The following KHDRBS1 variants were observed in gnomAD, a reference collection of about 807,000 sequenced individuals.
KHDRBS1 encodes KH RNA binding domain containing, signal transduction associated 1.
Under a neutral mutation model 48.4 loss-of-function variants are expected in KHDRBS1, and 7 were observed. That is an observed-to-expected ratio of 0.14 (90% CI 0.08 to 0.27). The LOEUF (loss-of-function observed/expected upper bound fraction) is 0.27. Among genes scored for constraint, KHDRBS1 ranks in the 10% least tolerant of loss-of-function variants. The probability of loss-of-function intolerance (pLI) is 1.00; values close to 1 mark genes in which losing one functional copy is unlikely to be tolerated. For missense variants in KHDRBS1, 458 were observed against 601.2 expected, an observed-to-expected ratio of 0.76 and a Z score of 2.49; for synonymous variants, 241 against 235.8, an observed-to-expected ratio of 1.02 and a Z score of -0.20.
chr1:32,048,213 T>TA (rs1477813168), downstream of KHDRBS1, among the ~76,000 whole-genome samples: 24 of 152,166 alleles, frequency 1.6e-4, no homozygotes, highest in South Asian at 2.1e-4. Flanking sequence ...TTCCCTTCTC[T>TA]AAAAATTTTC....
At chr1:32,032,417 T>C (rs148234638) in intron 3 of KHDRBS1, among the ~76,000 whole-genome samples, 104 of 152,284 alleles carry the variant, frequency 6.8e-4, no homozygotes, top group African/African-American at 2.4e-3. Flanking sequence ...TACATGAGCT[T>C]TTCTTCCCTC....
rs893387235 is a variant in KHDRBS1 at position 32,016,007 on chromosome 1, C to T, written c.382+1630C>T. Among the ~76,000 whole-genome samples, 5 of 151,918 alleles carry T rather than the reference C, an allele frequency of 3.3e-5. 1 individual carries two copies. The highest frequency in any genetic ancestry group is 3.3e-4 in the Admixed American group (5 of 15,226). The stretch of plus-strand genomic sequence containing the variant: ...CAGCCTGATCAACATGGTGAAACCC[C>T]GTCTCTACTAAAAATACAAAATTAG... On this transcript the variant is annotated intron_variant, in intron 1 of 8. Transcript: ENST00000327300.
At chr1:32,034,760 G>A (rs947980791) in intron 4 of KHDRBS1, among the ~76,000 whole-genome samples, 5 of 151,712 alleles carry the variant, frequency 3.3e-5, no homozygotes, top group South Asian at 2.1e-4. Flanking sequence ...GGTGGATCAC[G>A]AGGTCAGGAG....
At chr1:32,051,626 G>C (rs538511319) in intron 10 of KHDRBS1, among the ~76,000 whole-genome samples, 1 of 152,248 alleles carries the variant, frequency 6.6e-6, no homozygotes, top group East Asian at 1.9e-4. Context: ...CAACTTCCTC[G>C]CTTCCTAGCC....
At chr1:32,050,429 A>G (rs1029623656) in intron 10 of KHDRBS1, among the ~76,000 whole-genome samples, 4 of 152,094 alleles carry the variant, frequency 2.6e-5, no homozygotes, top group African/African-American at 9.7e-5. Flanking sequence ...CATAGGTAAT[A>G]AACTATTGTC....
In KHDRBS1 at chr1:32,024,041, C is replaced by G. The variant is rs548772455; in HGVS notation, c.383-6257C>G. Among the ~76,000 whole-genome samples, 3 of 152,292 alleles carry G rather than the reference C, an allele frequency of 2.0e-5. No individual in the cohort carries two copies. The South Asian group carries it at 6.2e-4, about 32-fold the overall frequency. ...CCAAGGTGGGTGGATCACCTGAGAT[C>G]AGGAGTTGAAGACCAGCCTGGCCAA... On this transcript the variant is annotated intron_variant, in intron 1 of 8. Transcript: ENST00000327300.
chr1:32,035,619 C>T (rs1043417405), intron 4 of KHDRBS1, among the ~76,000 whole-genome samples: 3 of 152,168 alleles, frequency 2.0e-5, no homozygotes, highest in South Asian at 4.1e-4. Flanking sequence ...TTCACAGTGC[C>T]GTAGGAAGAG....
At chr1:32,037,067 A>G (rs1480479844) in intron 5 of KHDRBS1, 24 bp downstream of exon 5, 1 of 1,610,682 alleles carries the variant, frequency 6.2e-7, no homozygotes, top group Admixed American at 1.7e-5. Context: ...AGACACCCAG[A>G]AATAGGATGT....
At chr1:32,031,886 C>T (rs1425852853) in intron 3 of KHDRBS1, among the ~76,000 whole-genome samples, 2 of 152,146 alleles carry the variant, frequency 1.3e-5, no homozygotes, top group Non-Finnish European at 2.9e-5. Flanking sequence ...GTAATGGAAA[C>T]AGCAGTAGCA....
intron 1 of KHDRBS1, among the ~76,000 whole-genome samples, chr1:32,018,316 C>G (rs1638784091): frequency 6.6e-6 from 1 of 151,358 alleles, no homozygotes; most frequent in South Asian, 2.1e-4. Context: ...AAAAATTACC[C>G]CTGGTGTGGT....
At position 32,059,540 on chromosome 1, in the gene KHDRBS1, T is replaced by TA. The variant is rs77286462; in HGVS notation, n.1302-609dup. Among the ~76,000 whole-genome samples, 1,390 of 139,494 alleles carry TA rather than the reference T, an allele frequency of 1.0e-2. 22 individuals are homozygous for TA. The highest frequency in any genetic ancestry group is 0.03 in the African/African-American group (1,161 of 38,106). 91.5% of individuals were successfully genotyped at this position (139,494 alleles called of 152,430 possible). A position where few individuals can be genotyped will look rare whatever the true frequency, so the allele number is the denominator to read the frequency against. On this transcript the variant is annotated intron_variant and non_coding_transcript_variant, in intron 10 of 10. Transcript: ENST00000484270. ...GAGTGACAAAGCAAGACTCTTTCTTTAAAAAAAAAAAAAAGAAGAAGAAGA... is the reference window on the plus strand; with the variant it reads ...GAGTGACAAAGCAAGACTCTTTCTTTAAAAAAAAAAAAAAAGAAGAAGAAGA...
intron 1 of KHDRBS1, among the ~76,000 whole-genome samples, chr1:32,019,449 C>T (rs1360413728): frequency 1.3e-5 from 2 of 151,956 alleles, no homozygotes; most frequent in East Asian, 1.9e-4. Context: ...ACTTGGAAGG[C>T]TGAGGCAGGA....
At position 32,039,553 on chromosome 1, in the gene KHDRBS1, A is replaced by G; in HGVS notation, c.1214A>G (p.Gln405Arg). 6.5e-7 allele frequency: 1 copy of G among 1,533,068 alleles called. No individual in the cohort carries two copies. Among genetic ancestry groups the G allele is most frequent in the Non-Finnish European group, 9.0e-7 (1 of 1,106,106 alleles). 95.0% of individuals were successfully genotyped at this position (1,533,068 alleles called of 1,614,324 possible). The change falls in exon 8 of 9, where the codon CAA (glutamine) becomes CGA (arginine). Residue 405 changes from glutamine (Q) to arginine (R), a missense_variant. Physicochemically the swap from Gln to Arg is conservative, Grantham distance 43. This residue lies in a region of KHDRBS1 where 171 missense variants were observed against 228.7 expected (regional missense o/e 0.75). Coordinates refer to ENST00000327300, the MANE Select transcript of KHDRBS1 (RefSeq NM_006559.3). ...EYYDYGHGEV[Q>R]DSYEAYGQDD... Reference sequence around the variant, plus strand: ...TATGACTATGGACATGGGGAGGTTCAAGATTCTTATGAAGCTTATGGTATG... The same window carrying G: ...TATGACTATGGACATGGGGAGGTTCGAGATTCTTATGAAGCTTATGGTATG...
chr1:32,025,162 G>T (rs1375516686), intron 1 of KHDRBS1, among the ~76,000 whole-genome samples: 1 of 149,718 alleles, frequency 6.7e-6, no homozygotes, highest in Non-Finnish European at 1.5e-5. Flanking sequence ...CCTACTGGGG[G>T]TGCTGAGGTG....
chr1:32,015,991 C>G (rs1638732442), intron 1 of KHDRBS1, among the ~76,000 whole-genome samples: 1 of 151,972 alleles, frequency 6.6e-6, no homozygotes, highest in Non-Finnish European at 1.5e-5. Flanking sequence ...CCAGCCTGAT[C>G]AACATGGTGA....
chr1:32,051,807 A>G (rs898376647), intron 10 of KHDRBS1, among the ~76,000 whole-genome samples: 1 of 152,228 alleles, frequency 6.6e-6, no homozygotes, highest in African/African-American at 2.4e-5. Flanking sequence ...CAGGCTAAGA[A>G]TGAAGTTAGA....
chr1:32,044,796 T>TA (rs1417377869), downstream of KHDRBS1, among the ~76,000 whole-genome samples: 1 of 152,194 alleles, frequency 6.6e-6, no homozygotes, highest in East Asian at 1.9e-4. Context: ...TGTGTAAAGC[T>TA]AACATGCATC....
downstream of KHDRBS1, among the ~76,000 whole-genome samples, chr1:32,044,089 T>C (rs1197877472): frequency 6.6e-6 from 1 of 152,216 alleles, no homozygotes; most frequent in Non-Finnish European, 1.5e-5. Flanking sequence ...TTTCACCCCC[T>C]GGAAGTTGTT....
At position 32,014,237 on chromosome 1, in the gene KHDRBS1, C is replaced by G; in HGVS notation, c.242C>G (p.Pro81Arg). ...GGTCCCGACGCGACAGTGGGCGGGC[C>G]AGCGCCGACCCCGCTGCTGCCCCCC... Reference protein sequence around the residue: ...ATGPDATVGGPAPTPLLPPSA... With the variant: ...ATGPDATVGGRAPTPLLPPSA... Residue 81 changes from proline to arginine, a missense_variant, in exon 1 of 9, where the codon CCA becomes CGA. By Grantham distance (103) the Pro-to-Arg change is moderately radical. Transcript: ENST00000327300. 1 of 1,527,730 alleles carries G rather than the reference C, an allele frequency of 6.5e-7. No individual in the cohort carries two copies. The allele number at this position is 1,527,730 out of a possible 1,614,324, so 94.6% of individuals were successfully genotyped here.
Sources: allele counts gnomAD v4.1 joint callset (sites outside exome capture counted in the v4.1 genomes callset), GRCh38; gene constraint gnomAD v4.1.1; regional missense constraint gnomAD v4.1.1; transcripts MANE v1.5; gene names NCBI Gene and HGNC (gene_info 2026-07-23, HGNC 2026-07-21).